CRACD: variants seen among roughly 807,000 people sequenced by gnomAD.
CRACD encodes the protein capping protein inhibiting regulator of actin dynamics.
In CRACD, 56 loss-of-function variants were observed where a neutral mutation model predicts 106.8. That is an observed-to-expected ratio of 0.52 (90% CI 0.42 to 0.66). The LOEUF (loss-of-function observed/expected upper bound fraction) is 0.66. Among genes scored for constraint, CRACD ranks in the 30% least tolerant of loss-of-function variants. The probability of loss-of-function intolerance (pLI) is 0.00; values close to 1 mark genes in which losing one functional copy is unlikely to be tolerated. For synonymous variants in CRACD, 754 were observed against 670.8 expected (o/e 1.12, Z -1.92); for missense variants, 1,730 against 1,623.2 (o/e 1.07, Z -1.13).
At position 56,327,960 on chromosome 4, in the gene CRACD, T is replaced by G; in HGVS notation, c.*156T>G. On this transcript the variant is annotated 3_prime_UTR_variant, in exon 11 of 11. Coordinates refer to ENST00000682029, the MANE Select transcript of CRACD (RefSeq NM_001393381.1). Reference sequence around the variant, plus strand: ...TGTTTAGAAACTGAACTGGTGGTGTTCATTGTAAAGAGTGGATTTGCACAA... The same window carrying G: ...TGTTTAGAAACTGAACTGGTGGTGTGCATTGTAAAGAGTGGATTTGCACAA... The G allele has an allele frequency of 1.5e-6, 1 of 663,536 alleles. No individual in the cohort carries two copies. The highest frequency in any genetic ancestry group is 2.4e-6 in the Non-Finnish European group (1 of 411,912). The allele number at this position is 663,536 out of a possible 1,614,324, so 41.1% of individuals were successfully genotyped here. A position where few individuals can be genotyped will look rare whatever the true frequency, so the allele number is the denominator to read the frequency against.
Position 56,090,260 on chromosome 4 carries a change from G to A in CRACD, c.-336+40961G>A, listed in dbSNP as rs570086010. Among the ~76,000 whole-genome samples the A allele has an allele frequency of 1.7e-3, 257 of 152,206 alleles. 1 individual carries two copies. The highest frequency in any genetic ancestry group is 5.7e-3 in the African/African-American group (238 of 41,556). ...GAACGTGAAGTACAGTATTTAAGGG[G>A]AGCTGGAAAGGACTGCACTGGGGTC... On this transcript the variant is annotated intron_variant, in intron 1 of 10. Transcript: ENST00000682029.
intron 2 of CRACD, among the ~76,000 whole-genome samples, chr4:56,219,478 G>C (rs1359230479): frequency 6.6e-6 from 1 of 152,130 alleles, no homozygotes; most frequent in Non-Finnish European, 1.5e-5. Context: ...CTCCCGAGTA[G>C]CTGGAGATTA....
At chr4:56,224,046 C>T (rs1739176893) in intron 2 of CRACD, among the ~76,000 whole-genome samples, 1 of 152,210 alleles carries the variant, frequency 6.6e-6, no homozygotes, top group South Asian at 2.1e-4. Context: ...TGTGCACCAC[C>T]AGGCCTGGCC....
intron 1 of CRACD, among the ~76,000 whole-genome samples, chr4:56,066,364 A>T (rs1732468066): frequency 6.6e-6 from 1 of 152,120 alleles, no homozygotes; most frequent in South Asian, 2.1e-4. Context: ...GGAGTTTTTC[A>T]TCATAGCTTG....
chr4:56,240,572 A>G (rs983668823), intron 2 of CRACD, among the ~76,000 whole-genome samples: 3 of 152,146 alleles, frequency 2.0e-5, no homozygotes, highest in Non-Finnish European at 2.9e-5. Flanking sequence ...TAGCGTGATC[A>G]CAACTCACTG....
At chr4:56,289,870 A>C (rs758252388) in intron 3 of CRACD, among the ~76,000 whole-genome samples, 1 of 152,192 alleles carries the variant, frequency 6.6e-6, no homozygotes, top group Non-Finnish European at 1.5e-5. Flanking sequence ...AGCCGTGTCA[A>C]TAGGAGCCAG....
chr4:56,326,424 A>T (rs1322926839), intron 10 of CRACD, among the ~76,000 whole-genome samples: 1 of 152,220 alleles, frequency 6.6e-6, no homozygotes, highest in East Asian at 1.9e-4. Context: ...TCTCTGCCTG[A>T]TTTCTCAGAA....
At chr4:56,322,169 G>A (rs1048137338) in intron 8 of CRACD, among the ~76,000 whole-genome samples, 1 of 152,130 alleles carries the variant, frequency 6.6e-6, no homozygotes, top group African/African-American at 2.4e-5. Context: ...TGTCTCATAG[G>A]CATATAAGAA....
intron 2 of CRACD, among the ~76,000 whole-genome samples, chr4:56,265,488 A>G (rs188022110): frequency 1.3e-5 from 2 of 152,136 alleles, no homozygotes; most frequent in Non-Finnish European, 2.9e-5. Flanking sequence ...TTTTAAAGAA[A>G]TAATGAAGGC....
intron 1 of CRACD, among the ~76,000 whole-genome samples, chr4:56,122,309 CAA>C (rs33942884): frequency 0.2 from 21,811 of 109,420 alleles, 1,577 homozygotes; most frequent in East Asian, 0.29. Flanking sequence ...AATTGTAGAC[CAA>C]AAAAAAAAAA....
chr4:56,292,816 G>A (rs1010616813), intron 3 of CRACD, among the ~76,000 whole-genome samples: 14 of 152,174 alleles, frequency 9.2e-5, no homozygotes, highest in African/African-American at 1.4e-4. Flanking sequence ...GAGCCACCGC[G>A]ACTGGCCACC....
At position 56,265,401 on chromosome 4, in the gene CRACD, GGGGTGTGTGT is replaced by G. The variant is rs1267578362; in HGVS notation, c.-188-6918_-188-6909del. Among the ~76,000 whole-genome samples the G allele has an allele frequency of 2.2e-3, 257 of 116,248 alleles. 2 individuals carry two copies. Among genetic ancestry groups the G allele is most frequent in the African/African-American group, 7.0e-3 (234 of 33,340 alleles). The allele number at this position is 116,248 out of a possible 152,430, so 76.3% of individuals were successfully genotyped here. A position where few individuals can be genotyped will look rare whatever the true frequency, so the allele number is the denominator to read the frequency against. ...GCAGTGTACTCAGGGGTATAGAGGA[GGGGTGTGTGT>G]GTGTGTGTGTGTGTGTGTGTGTGTG... On this transcript the variant is annotated intron_variant, in intron 2 of 10. Coordinates refer to ENST00000682029, the MANE Select transcript of CRACD (RefSeq NM_001393381.1).
At chr4:56,142,846 A>C (rs984719294) in intron 1 of CRACD, among the ~76,000 whole-genome samples, 1 of 152,102 alleles carries the variant, frequency 6.6e-6, no homozygotes, top group Non-Finnish European at 1.5e-5. Context: ...ACTAAATCTC[A>C]ATAATTTTTA....
chr4:56,065,771 C>G (rs1263220651), intron 1 of CRACD, among the ~76,000 whole-genome samples: 1 of 152,164 alleles, frequency 6.6e-6, no homozygotes, highest in Non-Finnish European at 1.5e-5. Flanking sequence ...ACCATCATCA[C>G]TGTCCATCCC....
At chr4:56,246,470 T>A (rs1368346611) in intron 2 of CRACD, 1 of 152,120 alleles carries the variant, frequency 6.6e-6, no homozygotes, top group Non-Finnish European at 1.5e-5. Flanking sequence ...CTGGGTTGGA[T>A]CCCCCACTGG....
chr4:56,328,500 A>G lies in CRACD; in HGVS notation c.*696A>G, dbSNP rs1746615596. 1 of 458,604 alleles carries G rather than the reference A, an allele frequency of 2.2e-6. No homozygotes were observed. 28.4% of individuals were successfully genotyped at this position (458,604 alleles called of 1,614,324 possible). ...TAAGGACATGTGAAGCATTTGGCCC[A>G]GTTGGCTCCCAGGGAACATTTTAAT... On this transcript the variant is annotated 3_prime_UTR_variant, in exon 11 of 11. Transcript: ENST00000682029.
At chr4:56,049,847 G>A (rs773285611) in intron 1 of CRACD, 3 of 152,206 alleles carry the variant, frequency 2.0e-5, no homozygotes, top group Non-Finnish European at 2.9e-5. Context: ...GGTTTCCCCT[G>A]TTTACCAAGG....
chr4:56,075,219 G>T (rs879056300), intron 1 of CRACD, among the ~76,000 whole-genome samples: 7 of 152,218 alleles, frequency 4.6e-5, no homozygotes, highest in Admixed American at 1.3e-4. Context: ...TTAGGGAGGA[G>T]TCCCTCTTTT....
intron 1 of CRACD, among the ~76,000 whole-genome samples, chr4:56,054,098 T>A (rs1310034659): frequency 1.3e-5 from 2 of 152,180 alleles, no homozygotes; most frequent in Non-Finnish European, 2.9e-5. Context: ...ACTTATTGGG[T>A]GGTCATTGTA....
Sources: allele counts gnomAD v4.1 joint callset (sites outside exome capture counted in the v4.1 genomes callset), GRCh38; gene constraint gnomAD v4.1.1; transcripts MANE v1.5; gene names NCBI Gene and HGNC (gene_info 2026-07-23, HGNC 2026-07-21).